Variants in ENOSF1 observed in about 807,000 individuals in gnomAD.
The protein encoded by ENOSF1 is enolase superfamily member 1.
A neutral mutation model predicts 68.2 loss-of-function variants in ENOSF1; 73 were observed. That is an observed-to-expected ratio of 1.07 (90% CI 0.89 to 1.30). The LOEUF (loss-of-function observed/expected upper bound fraction) is 1.30, where lower values mean the gene tolerates loss of function less well. Ranked by LOEUF, ENOSF1 falls within the 50% of genes most tolerant of loss-of-function variation. The probability of loss-of-function intolerance (pLI) is 0.00; values close to 1 mark genes in which losing one functional copy is unlikely to be tolerated. For synonymous variants in ENOSF1, 223 were observed against 210.4 expected, an observed-to-expected ratio of 1.06 and a Z score of -0.52; for missense variants, 589 against 554.5, an observed-to-expected ratio of 1.06 and a Z score of -0.62.
chr18:675,348 GATC>G lies in ENOSF1; in HGVS notation c.1200_1202del (p.Met400del), dbSNP rs758670508. ...TGGGAGGCATGTAGGAAGCCCGCTGGATCATCACGGGATACTTGAAATGCTCAT... is the reference window on the plus strand; with the variant it reads ...TGGGAGGCATGTAGGAAGCCCGCTGGATCACGGGATACTTGAAATGCTCAT... On this transcript the variant is annotated inframe_deletion, in exon 15 of 16. Transcript: ENST00000647584. 1.2e-6 allele frequency: 2 copies of G among 1,612,800 alleles called. No individual in the cohort carries two copies. Among genetic ancestry groups the G allele is most frequent in the Non-Finnish European group, 1.7e-6 (2 of 1,179,762 alleles).
At chr18:712,117 C>T (rs1240142067) in intron 1 of ENOSF1, among the ~76,000 whole-genome samples, 1 of 152,210 alleles carries the variant, frequency 6.6e-6, no homozygotes, top group Non-Finnish European at 1.5e-5. Flanking sequence ...CTACCATTTC[C>T]AGCAAAATGT....
At chr18:667,005 T>C (rs867846170), downstream of ENOSF1, among the ~76,000 whole-genome samples, 3 of 5,002 alleles carry the variant, frequency 6.0e-4, no homozygotes, top group African/African-American at 3.3e-3. Context: ...ATGGAGATGG[T>C]GATGGTGATG....
Position 670,431 on chromosome 18 carries a change from C to G in ENOSF1, c.*3874G>C. 1 of 445,006 alleles carries G rather than the reference C, an allele frequency of 2.2e-6. No individual in the cohort carries two copies. Among genetic ancestry groups the G allele is most frequent in the South Asian group, 3.5e-5 (1 of 28,300 alleles). The allele number at this position is 445,006 out of a possible 1,614,324, so 27.6% of individuals were successfully genotyped here. A position where few individuals can be genotyped will look rare whatever the true frequency, so the allele number is the denominator to read the frequency against. On this transcript the variant is annotated 3_prime_UTR_variant, in exon 16 of 16. Transcript: ENST00000647584. Reference sequence around the variant, plus strand: ...TTTGTAATCTGGTGCCACGAGGTAGCCCAGATCCCTTCAGCTCTGATGGAA... The same window carrying G: ...TTTGTAATCTGGTGCCACGAGGTAGGCCAGATCCCTTCAGCTCTGATGGAA...
the ENOSF1 span, among the ~76,000 whole-genome samples, chr18:664,999 C>T: frequency 6.6e-6 from 1 of 151,162 alleles, no homozygotes; most frequent in African/African-American, 2.5e-5. Flanking sequence ...TGTGTCTCTG[C>T]CCAGCTTTGG....
rs769762690 is a variant in ENOSF1, at chr18:677,405, TCA to T, written c.1086_1087del (p.Cys362Ter). Reference sequence around the variant, plus strand: ...AAATATAATCAGGTGCTGCACCAGTTCACAGAGGCCAACTCCACCAGCATGGG... The same window carrying T: ...AAATATAATCAGGTGCTGCACCAGTTCAGAGGCCAACTCCACCAGCATGGG... On this transcript the variant is annotated stop_gained and frameshift_variant, in exon 14 of 16. Transcript: ENST00000647584. LOFTEE classifies it high-confidence loss of function. The T allele has an allele frequency of 9.3e-6, 15 of 1,613,654 alleles. No homozygotes were observed. The East Asian group carries it at 1.8e-4, about 19-fold the overall frequency.
chr18:670,541 A>G lies in ENOSF1; in HGVS notation c.*3764T>C, dbSNP rs2847609. On this transcript the variant is annotated 3_prime_UTR_variant, in exon 16 of 16. Coordinates refer to ENST00000647584, the MANE Select transcript of ENOSF1 (RefSeq NM_017512.7). ...CCTCAGCTCCGTGCCATCGCTGCAGAGGCTGTTATGGACATCACTGCAGCC... is the reference window on the plus strand; with the variant it reads ...CCTCAGCTCCGTGCCATCGCTGCAGGGGCTGTTATGGACATCACTGCAGCC... 0.36 allele frequency: 265,753 copies of G among 739,140 alleles called. 51,903 individuals are homozygous for G. The highest frequency in any genetic ancestry group is 0.66 in the East Asian group (25,419 of 38,556). The allele number at this position is 739,140 out of a possible 1,614,324, so 45.8% of individuals were successfully genotyped here.
intron 5 of ENOSF1, chr18:693,008 G>T (rs185325202): frequency 8.2e-6 from 10 of 1,216,898 alleles, no homozygotes; most frequent in Non-Finnish European, 6.3e-6. Flanking sequence ...CGCCACCCAG[G>T]TGTTGCACTG....
rs773057959 is a variant in ENOSF1, at chr18:670,879, CG to C, written c.*3425del. The C allele has an allele frequency of 1.2e-6, 2 of 1,613,288 alleles. No homozygotes were observed. The highest frequency in any genetic ancestry group is 4.5e-5 in the East Asian group (2 of 44,878). On this transcript the variant is annotated 3_prime_UTR_variant, in exon 16 of 16. Coordinates refer to ENST00000647584, the MANE Select transcript of ENOSF1 (RefSeq NM_017512.7). Reference sequence around the variant, plus strand: ...TCACGGGCCTGAAGGTGGGCTGTCTCGGGAAGGGTGACTTGCCAGCCTACCA... The same window carrying C: ...TCACGGGCCTGAAGGTGGGCTGTCTCGGAAGGGTGACTTGCCAGCCTACCA...
chr18:683,145 G>T, intron 11 of ENOSF1, 101 bp downstream of exon 11: 1 of 1,412,796 alleles, frequency 7.1e-7, no homozygotes, highest in Non-Finnish European at 9.7e-7. Flanking sequence ...AACAGGAAAT[G>T]CAAGAGGGAA....
chr18:675,191 G>T lies in ENOSF1; in HGVS notation c.1230+130C>A. 2.1e-5 allele frequency: 15 copies of T among 730,350 alleles called. No individual in the cohort carries two copies. In the South Asian group the frequency reaches 2.4e-4, roughly 12 times the overall value. The allele number at this position is 730,350 out of a possible 1,614,324, so 45.2% of individuals were successfully genotyped here. ...AGGATTTTGATACAGACAAACTGAA[G>T]AACCGTTTGTTAGTGGATATTGCAA... On this transcript the variant is annotated intron_variant, in intron 15 of 15. Transcript: ENST00000647584.
At chr18:687,155 G>C (rs2076689478) in intron 9 of ENOSF1, 2 of 152,184 alleles carry the variant, frequency 1.3e-5, no homozygotes. Flanking sequence ...TCTACTGAGA[G>C]AAAATGAAGT....
At chr18:667,562 T>C (rs1179645794), downstream of ENOSF1, among the ~76,000 whole-genome samples, 1 of 92,112 alleles carries the variant, frequency 1.1e-5, no homozygotes, top group Non-Finnish European at 2.0e-5. Context: ...GAGATGGTGA[T>C]GGTGATGGAG....
At chr18:676,713 A>C (rs1404779279) in intron 14 of ENOSF1, among the ~76,000 whole-genome samples, 1 of 151,836 alleles carries the variant, frequency 6.6e-6, no homozygotes, top group Non-Finnish European at 1.5e-5. Flanking sequence ...TCTACTCACT[A>C]CCCCCCTGAA....
At chr18:696,373 G>A (rs905522694) in intron 3 of ENOSF1, among the ~76,000 whole-genome samples, 6 of 151,738 alleles carry the variant, frequency 4.0e-5, no homozygotes, top group African/African-American at 7.3e-5. Flanking sequence ...CACCATGCCC[G>A]GCTAATTTTT....
downstream of ENOSF1, among the ~76,000 whole-genome samples, chr18:665,526 CTGATT>C (rs2074802507): frequency 7.4e-6 from 1 of 135,018 alleles, no homozygotes; most frequent in Non-Finnish European, 1.6e-5. Context: ...CAGTTCTGCT[CTGATT>C]TTAGTTATTT....
At position 673,243 on chromosome 18, in the gene ENOSF1, G is replaced by C. The variant is rs1029782643; in HGVS notation, c.*1062C>G. The C allele has an allele frequency of 5.8e-6, 2 of 342,304 alleles. No individual in the cohort carries two copies. Among genetic ancestry groups the C allele is most frequent in the Non-Finnish European group, 1.1e-5 (2 of 189,418 alleles). 21.2% of individuals were successfully genotyped at this position (342,304 alleles called of 1,614,324 possible). On this transcript the variant is annotated 3_prime_UTR_variant, in exon 16 of 16. Coordinates refer to ENST00000647584, the MANE Select transcript of ENOSF1 (RefSeq NM_017512.7). ...ACAATGCTGAGGTTATGAACAAAGT[G>C]AGGAGAATGAAATGTATGTGCTCTT... is the stretch of plus-strand genomic sequence containing the variant.
At chr18:688,395 C>T (rs2076830467) in intron 9 of ENOSF1, 179 bp downstream of exon 9, 1 of 655,836 alleles carries the variant, frequency 1.5e-6, no homozygotes. Context: ...TGAGGACTCA[C>T]ATCCTGCCTT....
chr18:667,599 GGT>G (rs1254164312), downstream of ENOSF1: 15 of 104,508 alleles, frequency 1.4e-4, 3 homozygotes, highest in East Asian at 3.8e-4. Context: ...TGATGGTGAT[GGT>G]GATGGTGATG....
chr18:682,111 G>A (rs1307596987), intron 11 of ENOSF1, among the ~76,000 whole-genome samples: 1 of 152,176 alleles, frequency 6.6e-6, no homozygotes, highest in Non-Finnish European at 1.5e-5. Context: ...TCCTAGGCAG[G>A]CAGGATGTGG....
Sources: gnomAD v4.1 joint callset for allele counts (sites outside exome capture counted in the v4.1 genomes callset) on GRCh38, gnomAD v4.1.1 for gene constraint, MANE v1.5 for transcripts, NCBI Gene and HGNC (gene_info 2026-07-23, HGNC 2026-07-21) for gene names.